The following IL12RB2 variants were observed in gnomAD, a reference collection of about 807,000 sequenced individuals.
The protein encoded by IL12RB2 is interleukin 12 receptor subunit beta 2.
IL12RB2 carries 82 observed loss-of-function variants against 89.4 expected under a neutral mutation model. The ratio of observed to expected loss-of-function variants is 0.92; its 90% CI spans 0.77 to 1.10. The LOEUF (loss-of-function observed/expected upper bound fraction) is 1.10, where lower values mean the gene tolerates loss of function less well. Ranked by LOEUF, IL12RB2 falls within the 50% of genes least tolerant of loss-of-function variation. IL12RB2 has a pLI of 0.00. For missense variants in IL12RB2, 963 were observed against 1,031.9 expected, an observed-to-expected ratio of 0.93 and a Z score of 0.92; for synonymous variants, 368 against 370.1, an observed-to-expected ratio of 0.99 and a Z score of 0.07.
At chr1:67,394,066 G>A (rs921967088) in intron 16 of IL12RB2, among the ~76,000 whole-genome samples, 2 of 152,196 alleles carry the variant, frequency 1.3e-5, no homozygotes, top group African/African-American at 2.4e-5. Context: ...GGGACAGTGG[G>A]AGGCACACAC....
At chr1:67,310,108 C>T (rs566036037) in intron 1 of IL12RB2, among the ~76,000 whole-genome samples, 28 of 144,714 alleles carry the variant, frequency 1.9e-4, no homozygotes, top group African/African-American at 5.6e-4. Context: ...CGATTGAACC[C>T]GGGAGGCAGA....
intron 4 of IL12RB2, among the ~76,000 whole-genome samples, chr1:67,323,066 C>T (rs531063097): frequency 3.5e-4 from 54 of 152,274 alleles, no homozygotes; most frequent in South Asian, 8.3e-4. Flanking sequence ...TCATCTCTGT[C>T]ATAAAGGCAG....
intron 10 of IL12RB2, among the ~76,000 whole-genome samples, chr1:67,357,458 G>A (rs1570017315): frequency 6.6e-6 from 1 of 152,152 alleles, no homozygotes; most frequent in Non-Finnish European, 1.5e-5. Flanking sequence ...GTATTGTATA[G>A]CAACAAATAA....
At chr1:67,353,866 G>A (rs1661095372) in intron 10 of IL12RB2, among the ~76,000 whole-genome samples, 2 of 152,172 alleles carry the variant, frequency 1.3e-5, no homozygotes, top group Non-Finnish European at 2.9e-5. Context: ...GGGTCTTGAG[G>A]TTTTAAACCT....
chr1:67,310,898 T>C (rs1654961820), intron 1 of IL12RB2, among the ~76,000 whole-genome samples: 1 of 152,120 alleles, frequency 6.6e-6, no homozygotes, highest in Non-Finnish European at 1.5e-5. Flanking sequence ...CTAATTTTTG[T>C]ATTTTTAGTA....
At chr1:67,366,830 A>C (rs1354304537) in intron 10 of IL12RB2, among the ~76,000 whole-genome samples, 1 of 152,186 alleles carries the variant, frequency 6.6e-6, no homozygotes, top group East Asian at 1.9e-4. Context: ...AACATTGGAC[A>C]AGTAAAGGGT....
chr1:67,330,553 CAAAT>C, intron 7 of IL12RB2, 103 bp from the exon 8 acceptor site: 1 of 680,300 alleles, frequency 1.5e-6, no homozygotes, highest in South Asian at 1.6e-5. Context: ...GTCTGAAAAA[CAAAT>C]AAGATCAAAT....
intron 2 of IL12RB2, among the ~76,000 whole-genome samples, chr1:67,314,853 T>C (rs1380269985): frequency 9.7e-6 from 1 of 102,940 alleles, no homozygotes; most frequent in African/African-American, 3.8e-5. Context: ...ATCCCCGATC[T>C]GAGACGTTGT....
intron 13 of IL12RB2, 104 bp downstream of exon 13, chr1:67,372,887 G>C: frequency 2.5e-6 from 2 of 811,116 alleles, no homozygotes; most frequent in East Asian, 2.4e-5. Context: ...CTAGCGCAAT[G>C]CCTGGCATAT....
chr1:67,368,114 A>C (rs1662909461), intron 11 of IL12RB2, 89 bp downstream of exon 11: 1 of 828,344 alleles, frequency 1.2e-6, no homozygotes, highest in East Asian at 2.5e-5. Context: ...CCCTGCCTTC[A>C]ATTACAGGTG....
At chr1:67,324,599 C>T (rs572265287) in intron 4 of IL12RB2, among the ~76,000 whole-genome samples, 1 of 152,328 alleles carries the variant, frequency 6.6e-6, no homozygotes, top group Admixed American at 6.5e-5. Context: ...TGTCTGCCTG[C>T]CTCGGCCTCC....
intron 9 of IL12RB2, among the ~76,000 whole-genome samples, chr1:67,342,759 AC>A (rs1156969984): frequency 1.2e-5 from 1 of 80,070 alleles, no homozygotes; most frequent in African/African-American, 3.4e-5. Flanking sequence ...TTAAAATCAC[AC>A]CTTTTTTTTT....
Position 67,338,666 on chromosome 1 carries a change from T to C in IL12RB2, c.1001T>C (p.Ile334Thr), listed in dbSNP as rs201336326. The C allele has an allele frequency of 1.2e-5, 19 of 1,558,702 alleles. No individual in the cohort carries two copies. The highest frequency in any genetic ancestry group is 3.3e-5 in the Admixed American group (2 of 59,912). ...MLDVWYMKRH[I>T]DYSRQQISLF... is the part of the protein sequence containing the mutation. ...GATGTCTGGTACATGAAACGGCACATTGACTACAGTAGACAACAGATTTCT... is the reference window on the plus strand; with the variant it reads ...GATGTCTGGTACATGAAACGGCACACTGACTACAGTAGACAACAGATTTCT... Residue 334 changes from isoleucine (I) to threonine (T), a missense_variant, in exon 9 of 17, where the codon ATT becomes ACT. Coordinates refer to ENST00000674203, the MANE Select transcript of IL12RB2 (RefSeq NM_001374259.2).
chr1:67,389,998 A>T (rs758200749), intron 15 of IL12RB2, 31 bp from the exon 16 acceptor site: 11 of 912,542 alleles, frequency 1.2e-5, no homozygotes, highest in Non-Finnish European at 2.0e-5. Flanking sequence ...GTGCACACCT[A>T]AGGAAATGTC....
intron 9 of IL12RB2, among the ~76,000 whole-genome samples, chr1:67,340,485 C>T (rs187335661): frequency 6.6e-6 from 1 of 152,288 alleles, no homozygotes; most frequent in African/African-American, 2.4e-5. Context: ...TATTCCACGC[C>T]TCTCAACTCA....
chr1:67,338,617 GA>G lies in IL12RB2; in HGVS notation c.959-4del. 7.2e-7 allele frequency: 1 copy of G among 1,392,284 alleles called. No individual in the cohort carries two copies. Among genetic ancestry groups the G allele is most frequent in the Non-Finnish European group, 1.0e-6 (1 of 977,664 alleles). The allele number at this position is 1,392,284 out of a possible 1,614,324, so 86.2% of individuals were successfully genotyped here. On this transcript the variant is annotated splice_region_variant and splice_polypyrimidine_tract_variant and intron_variant, in intron 8 of 16. Coordinates refer to ENST00000674203, the MANE Select transcript of IL12RB2 (RefSeq NM_001374259.2). ...GAAAATATGTCTTTTTTTCTCCTTTGAAACAGAGCCTACTGGGATGTTAGAT... is the reference window on the plus strand; with the variant it reads ...GAAAATATGTCTTTTTTTCTCCTTTGAACAGAGCCTACTGGGATGTTAGAT...
At chr1:67,338,447 T>C (rs887991269) in intron 8 of IL12RB2, among the ~76,000 whole-genome samples, 177 bp from the exon 9 acceptor site, 2 of 151,670 alleles carry the variant, frequency 1.3e-5, no homozygotes, top group East Asian at 1.9e-4. Context: ...TTCTGACTTT[T>C]TGGCCAAAGA....
At chr1:67,390,455 C>CTTTTTT (rs67532605) in intron 16 of IL12RB2, among the ~76,000 whole-genome samples, 2 of 107,516 alleles carry the variant, frequency 1.9e-5, no homozygotes, top group Non-Finnish European at 3.7e-5. Context: ...GCAAACTTTC[C>CTTTTTT]TTTTTTTTTT....
chr1:67,367,588 A>C lies in IL12RB2; in HGVS notation c.1259-237A>C, dbSNP rs534268030. Among the ~76,000 whole-genome samples, 330 of 152,194 alleles carry C rather than the reference A, an allele frequency of 2.2e-3. 1 individual carries two copies. Among genetic ancestry groups the C allele is most frequent in the Admixed American group, 3.1e-3 (48 of 15,272 alleles). ...AAGTAAAGAAAGAGAAAGGAAAAGA[A>C]GGGGAAAATAATTGTACACATGACA... On this transcript the variant is annotated intron_variant, in intron 10 of 16. Coordinates refer to ENST00000674203, the MANE Select transcript of IL12RB2 (RefSeq NM_001374259.2).
Sources: gnomAD v4.1 joint callset for allele counts (sites outside exome capture counted in the v4.1 genomes callset) on GRCh38, gnomAD v4.1.1 for gene constraint, MANE v1.5 for transcripts, NCBI Gene and HGNC (gene_info 2026-07-23, HGNC 2026-07-21) for gene names.